GSG1L: variants seen among roughly 807,000 people sequenced by gnomAD.
GSG1L encodes the protein germ cell-specific gene 1-like protein.
A neutral mutation model predicts 42.1 loss-of-function variants in GSG1L; 24 were observed. The ratio of observed to expected loss-of-function variants is 0.57; its 90% CI spans 0.41 to 0.80. The LOEUF is 0.80. Ranked by LOEUF, GSG1L falls within the 30% of genes least tolerant of loss-of-function variation. GSG1L has a pLI of 0.00. For missense variants in GSG1L, 445 were observed against 472.2 expected (o/e 0.94, Z 0.53); for synonymous variants, 215 against 203.5 (o/e 1.06, Z -0.48).
chr16:28,039,038 CT>C (rs1373169550), intron 1 of GSG1L, among the ~76,000 whole-genome samples: 1 of 152,144 alleles, frequency 6.6e-6, no homozygotes, highest in Non-Finnish European at 1.5e-5. Flanking sequence ...GGTGTGGGGG[CT>C]GCAGAGATCA....
At chr16:27,859,402 G>T (rs2083615938) in intron 3 of GSG1L, among the ~76,000 whole-genome samples, 1 of 152,220 alleles carries the variant, frequency 6.6e-6, no homozygotes, top group African/African-American at 2.4e-5. Context: ...ATGGAGGGGG[G>T]TCTCGGCACC....
At chr16:27,991,320 C>A (rs2085453387) in intron 1 of GSG1L, among the ~76,000 whole-genome samples, 1 of 109,242 alleles carries the variant, frequency 9.2e-6, no homozygotes, top group African/African-American at 3.6e-5. Flanking sequence ...AGAATAGGTT[C>A]TCTGTTTTTT....
At chr16:27,977,309 G>A (rs770847270) in intron 1 of GSG1L, among the ~76,000 whole-genome samples, 2 of 152,128 alleles carry the variant, frequency 1.3e-5, no homozygotes, top group African/African-American at 2.4e-5. Flanking sequence ...GGACAGGCGC[G>A]GTAGCTCATT....
chr16:27,831,036 T>C (rs2083270014), intron 4 of GSG1L, among the ~76,000 whole-genome samples: 1 of 152,274 alleles, frequency 6.6e-6, no homozygotes, highest in African/African-American at 2.4e-5. Context: ...ATGAAAATGC[T>C]GCTTTTCTCT....
intron 1 of GSG1L, among the ~76,000 whole-genome samples, chr16:28,060,784 A>G (rs1287402451): frequency 6.6e-6 from 1 of 152,218 alleles, no homozygotes; most frequent in African/African-American, 2.4e-5. Flanking sequence ...AACAAGATTC[A>G]GGAGATGAGA....
At chr16:27,872,164 A>C (rs1479867148) in intron 3 of GSG1L, among the ~76,000 whole-genome samples, 1 of 152,062 alleles carries the variant, frequency 6.6e-6, no homozygotes, top group Non-Finnish European at 1.5e-5. Context: ...GGGCAGCTGC[A>C]CTCATTTAAG....
At chr16:28,037,825 A>T (rs753381787) in intron 1 of GSG1L, among the ~76,000 whole-genome samples, 24 of 152,194 alleles carry the variant, frequency 1.6e-4, no homozygotes, top group Non-Finnish European at 2.8e-4. Flanking sequence ...ATCACGAGGT[A>T]CATTTTTCCA....
chr16:28,063,211 CGGCGGCGGCGGCGGG>C lies in GSG1L; in HGVS notation c.199_213del (p.Pro67_Ala71del). 2 of 1,260,298 alleles carry C rather than the reference CGGCGGCGGCGGCGGG, an allele frequency of 1.6e-6. No individual in the cohort carries two copies. The highest frequency in any genetic ancestry group is 2.8e-5 in the South Asian group (1 of 35,884). The allele number at this position is 1,260,298 out of a possible 1,614,324, so 78.1% of individuals were successfully genotyped here. ...CCGTTCCCCGAGGCGGTGGCGGCGG[CGGCGGCGGCGGCGGG>C]GGCGGCGGTGCCGTTGGCCGTGGCG... is the stretch of plus-strand genomic sequence containing the variant. On this transcript the variant is annotated inframe_deletion, in exon 1 of 7. Coordinates refer to ENST00000447459, the MANE Select transcript of GSG1L (RefSeq NM_001109763.2). The surrounding 1 kb of genome is among the most constrained non-coding windows in gnomAD (Gnocchi z 5.8).
chr16:27,929,470 G>A (rs958537666), intron 2 of GSG1L, among the ~76,000 whole-genome samples: 3 of 152,194 alleles, frequency 2.0e-5, no homozygotes, highest in African/African-American at 7.2e-5. Flanking sequence ...AGGAAGAAAA[G>A]CTCTCTTCCC....
intron 2 of GSG1L, among the ~76,000 whole-genome samples, chr16:27,938,658 A>G (rs2084748594): frequency 6.6e-6 from 1 of 152,142 alleles, no homozygotes; most frequent in Admixed American, 6.5e-5. Flanking sequence ...GCTGGCAAAA[A>G]CCTCTAGGAA....
chr16:27,958,531 T>C (rs945920364), intron 2 of GSG1L, among the ~76,000 whole-genome samples: 3 of 152,200 alleles, frequency 2.0e-5, no homozygotes, highest in African/African-American at 7.2e-5. Context: ...CATGATTTTA[T>C]ATATCAAATA....
chr16:28,050,538 T>A (rs375705366), intron 1 of GSG1L, among the ~76,000 whole-genome samples: 1 of 152,236 alleles, frequency 6.6e-6, no homozygotes, highest in Non-Finnish European at 1.5e-5. Flanking sequence ...AGGACAGATC[T>A]TTAAAGATAG....
intron 6 of GSG1L, among the ~76,000 whole-genome samples, chr16:27,792,198 A>G (rs1287396122): frequency 1.3e-5 from 2 of 152,046 alleles, no homozygotes; most frequent in Admixed American, 6.5e-5. Context: ...TGTGTTCAGG[A>G]GCTGTTGTGT....
intron 3 of GSG1L, among the ~76,000 whole-genome samples, chr16:27,865,537 A>C (rs1387898282): frequency 8.9e-5 from 1 of 11,268 alleles, no homozygotes; most frequent in Admixed American, 9.2e-4. Flanking sequence ...ATATATATAT[A>C]TATATATATA....
In GSG1L at chr16:27,955,731, A is replaced by G. The variant is rs182627154; in HGVS notation, c.397+7425T>C. ...CCCAAAATGAGGAAGTAATCCAGAA[A>G]GAAGACTACCTGGGATCCAGGAAGC... On this transcript the variant is annotated intron_variant, in intron 2 of 6. Coordinates refer to ENST00000447459, the MANE Select transcript of GSG1L (RefSeq NM_001109763.2). 5.8e-4 allele frequency among the ~76,000 whole-genome samples: 88 copies of G among 152,268 alleles called. 1 individual carries two copies. Among genetic ancestry groups the G allele is most frequent in the Non-Finnish European group, 9.3e-4 (63 of 68,018 alleles).
At chr16:27,915,679 GA>G (rs1462302489) in intron 2 of GSG1L, among the ~76,000 whole-genome samples, 1 of 152,224 alleles carries the variant, frequency 6.6e-6, no homozygotes, top group African/African-American at 2.4e-5. Context: ...GGGAAACTGA[GA>G]GGGGAGGATC....
At chr16:27,829,071 T>A in intron 4 of GSG1L, 115 bp from the exon 5 acceptor site, 1 of 970,378 alleles carries the variant, frequency 1.0e-6, no homozygotes, top group Non-Finnish European at 1.5e-6. Context: ...CTCTGGTACT[T>A]AAGCAGTTAC....
intron 2 of GSG1L, among the ~76,000 whole-genome samples, chr16:27,907,171 C>T (rs545827893): frequency 1.3e-5 from 2 of 152,298 alleles, no homozygotes; most frequent in East Asian, 1.9e-4. Flanking sequence ...CTGGGAGTTG[C>T]TAAACTGGAG....
At chr16:28,024,242 C>T (rs1448522808) in intron 1 of GSG1L, among the ~76,000 whole-genome samples, 1 of 152,112 alleles carries the variant, frequency 6.6e-6, no homozygotes, top group African/African-American at 2.4e-5. Flanking sequence ...ACATGGAGCC[C>T]AGCTCTGGGG....
Sources: gnomAD v4.1 joint callset for allele counts (sites outside exome capture counted in the v4.1 genomes callset) on GRCh38, gnomAD v4.1.1 for gene constraint, Gnocchi (gnomAD v3.1) non-coding constraint, MANE v1.5 for transcripts, NCBI Gene and HGNC (gene_info 2026-07-23, HGNC 2026-07-21) for gene names.